Variants in PPARGC1A observed in about 807,000 individuals in gnomAD.
The protein encoded by PPARGC1A is PPARG coactivator 1 alpha.
PPARGC1A carries 25 observed loss-of-function variants against 88.7 expected under a neutral mutation model. That is an observed-to-expected ratio of 0.28 (90% CI 0.21 to 0.39). PPARGC1A has a LOEUF of 0.39. PPARGC1A is among the 10% of genes least tolerant of loss of function. The probability of loss-of-function intolerance (pLI) is 1.00; values close to 1 mark genes in which losing one functional copy is unlikely to be tolerated. For synonymous variants in PPARGC1A, 363 were observed against 355.6 expected, an observed-to-expected ratio of 1.02 and a Z score of -0.24; for missense variants, 880 against 968.7, an observed-to-expected ratio of 0.91 and a Z score of 1.22.
At chr4:23,963,432 T>C in the PPARGC1A span, among the ~76,000 whole-genome samples, 1 of 152,192 alleles carries the variant, frequency 6.6e-6, no homozygotes, top group Non-Finnish European at 1.5e-5. Flanking sequence ...AATGAGTGAC[T>C]TTTGGTTGAT....
the PPARGC1A span, among the ~76,000 whole-genome samples, chr4:24,100,317 T>C: frequency 6.6e-6 from 1 of 152,168 alleles, no homozygotes; most frequent in Non-Finnish European, 1.5e-5. Context: ...TGGAACAGAA[T>C]GACTGATCCA....
the PPARGC1A span, among the ~76,000 whole-genome samples, chr4:24,118,491 T>A: frequency 6.6e-6 from 1 of 152,014 alleles, no homozygotes; most frequent in Non-Finnish European, 1.5e-5. Context: ...AGAATGTCAT[T>A]TTTGTCTAAT....
At chr4:24,184,742 A>G in the PPARGC1A span, among the ~76,000 whole-genome samples, 2 of 152,192 alleles carry the variant, frequency 1.3e-5, no homozygotes, top group Admixed American at 1.3e-4. Context: ...CTCAAAACAC[A>G]TAGAATGAGG....
chr4:24,260,065 G>A, the PPARGC1A span, among the ~76,000 whole-genome samples: 5 of 152,154 alleles, frequency 3.3e-5, no homozygotes, highest in African/African-American at 7.2e-5. Context: ...GCTAATTTCC[G>A]AAGTTCCTTC....
At chr4:23,940,336 G>A in the PPARGC1A span, among the ~76,000 whole-genome samples, 1 of 152,148 alleles carries the variant, frequency 6.6e-6, no homozygotes, top group Non-Finnish European at 1.5e-5. Context: ...GAACGCAGAA[G>A]AGAAAACAGT....
chr4:24,171,794 A>G, the PPARGC1A span, among the ~76,000 whole-genome samples: 1 of 152,194 alleles, frequency 6.6e-6, no homozygotes, highest in Admixed American at 6.5e-5. Flanking sequence ...TTTTATCCAT[A>G]TATCTTTGTA....
At chr4:24,411,039 T>C in the PPARGC1A span, among the ~76,000 whole-genome samples, 429 of 152,330 alleles carry the variant, frequency 2.8e-3, 1 homozygote, top group African/African-American at 9.9e-3. Context: ...ATATATATGT[T>C]TGGGAAATGT....
At chr4:24,270,952 T>C in the PPARGC1A span, among the ~76,000 whole-genome samples, 4 of 152,176 alleles carry the variant, frequency 2.6e-5, no homozygotes, top group Non-Finnish European at 5.9e-5. Context: ...ATACACAGTA[T>C]AATCATTTTG....
chr4:23,985,333 T>C, the PPARGC1A span, among the ~76,000 whole-genome samples: 2 of 152,050 alleles, frequency 1.3e-5, no homozygotes, highest in South Asian at 4.1e-4. Flanking sequence ...GAAGGGCTCA[T>C]CTAACAGGGC....
chr4:24,097,237 T>C, the PPARGC1A span, among the ~76,000 whole-genome samples: 2 of 152,150 alleles, frequency 1.3e-5, no homozygotes, highest in African/African-American at 4.8e-5. Flanking sequence ...CTCTGTTAGA[T>C]GCAAATATTC....
chr4:24,175,679 C>T, the PPARGC1A span, among the ~76,000 whole-genome samples: 114 of 151,582 alleles, frequency 7.5e-4, 2 homozygotes, highest in South Asian at 0.017. Flanking sequence ...TGAGCCACTG[C>T]GCCCAGTCGA....
chr4:24,168,109 C>A, the PPARGC1A span, among the ~76,000 whole-genome samples: 369 of 152,290 alleles, frequency 2.4e-3, 2 homozygotes, highest in African/African-American at 8.5e-3. Context: ...TGCTATCACA[C>A]ACTTCAAAAA....
the PPARGC1A span, among the ~76,000 whole-genome samples, chr4:24,235,536 G>A: frequency 6.6e-6 from 1 of 152,076 alleles, no homozygotes; most frequent in African/African-American, 2.4e-5. Context: ...TTCTATTTCT[G>A]ACCTACACCT....
At chr4:24,102,561 T>C in the PPARGC1A span, among the ~76,000 whole-genome samples, 1 of 152,218 alleles carries the variant, frequency 6.6e-6, no homozygotes, top group Non-Finnish European at 1.5e-5. Context: ...CTTTCCGAAT[T>C]GCATTTAACA....
chr4:24,139,669 G>A, the PPARGC1A span, among the ~76,000 whole-genome samples: 6 of 152,100 alleles, frequency 3.9e-5, no homozygotes, highest in Non-Finnish European at 5.9e-5. Flanking sequence ...GACACCCAAG[G>A]ATTCTTGACT....
chr4:24,220,281 C>T, the PPARGC1A span, among the ~76,000 whole-genome samples: 1 of 152,148 alleles, frequency 6.6e-6, no homozygotes, highest in Non-Finnish European at 1.5e-5. Flanking sequence ...GGTGGGAACA[C>T]AAATTAGTTC....
chr4:24,396,276 C>T, the PPARGC1A span, among the ~76,000 whole-genome samples: 1 of 152,102 alleles, frequency 6.6e-6, no homozygotes, highest in East Asian at 1.9e-4. Flanking sequence ...GAGGCAGCAG[C>T]GCGTCAAGGA....
At chr4:24,358,618 T>C in the PPARGC1A span, among the ~76,000 whole-genome samples, 1 of 152,252 alleles carries the variant, frequency 6.6e-6, no homozygotes, top group Non-Finnish European at 1.5e-5. Flanking sequence ...TTGATAAAAC[T>C]GTAAATATTC....
At chr4:24,346,901 C>T in the PPARGC1A span, among the ~76,000 whole-genome samples, 1 of 152,034 alleles carries the variant, frequency 6.6e-6, no homozygotes, top group African/African-American at 2.4e-5. Flanking sequence ...TTTGATGTAG[C>T]TATTTAGGGC....
Sources: gnomAD v4.1 joint callset for allele counts (sites outside exome capture counted in the v4.1 genomes callset) on GRCh38, gnomAD v4.1.1 for gene constraint, MANE v1.5 for transcripts, NCBI Gene and HGNC (gene_info 2026-07-23, HGNC 2026-07-21) for gene names.